The following TTC3 variants were observed in gnomAD, a reference collection of about 807,000 sequenced individuals.
The protein encoded by TTC3 is tetratricopeptide repeat domain 3, also known as E3 ubiquitin-protein ligase TTC3.
Under a neutral mutation model 249.6 loss-of-function variants are expected in TTC3, and 180 were observed. That is an observed-to-expected ratio of 0.72 (90% CI 0.64 to 0.82). The LOEUF is 0.82. TTC3 is among the 40% of genes least tolerant of loss of function. The pLI is 0.00. For missense variants in TTC3, 2,061 were observed against 2,398.4 expected (o/e 0.86, Z 2.94); for synonymous variants, 717 against 805.0 (o/e 0.89, Z 1.85).
At chr21:37,170,366 A>T (rs1355542591) in intron 34 of TTC3, among the ~76,000 whole-genome samples, 2 of 152,244 alleles carry the variant, frequency 1.3e-5, no homozygotes, top group Non-Finnish European at 2.9e-5. Flanking sequence ...ATTTTTAAAC[A>T]TATAAACAGA....
intron 16 of TTC3, among the ~76,000 whole-genome samples, chr21:37,129,474 C>T (rs529822307): frequency 3.9e-5 from 6 of 152,298 alleles, no homozygotes; most frequent in African/African-American, 1.4e-4. Flanking sequence ...TATTGGGAAA[C>T]TTACTCTGCA....
intron 20 of TTC3, 49 bp from the exon 21 acceptor site, chr21:37,144,476 A>C: frequency 1.3e-6 from 2 of 1,582,698 alleles, no homozygotes; most frequent in Non-Finnish European, 1.7e-6. Context: ...GAAGGGAGTG[A>C]AAATACCATT....
At chr21:37,158,776 A>G (rs774408812) in intron 28 of TTC3, among the ~76,000 whole-genome samples, 1 of 152,098 alleles carries the variant, frequency 6.6e-6, no homozygotes, top group Non-Finnish European at 1.5e-5. Flanking sequence ...ATTAGTCTCA[A>G]TTCTTTCTTT....
chr21:37,182,930 AG>A lies in TTC3; in HGVS notation c.4757+19del. On this transcript the variant is annotated intron_variant, in intron 36 of 45. Coordinates refer to ENST00000355666, the Ensembl canonical transcript of TTC3. ...CAGTGAAATGTAAGTAATGATTGAA[AG>A]GCAGTAATTTTTATTTAAAAAAAAA... 3 of 1,525,040 alleles carry A rather than the reference AG, an allele frequency of 2.0e-6. No homozygotes were observed. The highest frequency in any genetic ancestry group is 2.6e-6 in the Non-Finnish European group (3 of 1,140,080). 94.5% of individuals were successfully genotyped at this position (1,525,040 alleles called of 1,614,324 possible). A position where few individuals can be genotyped will look rare whatever the true frequency, so the allele number is the denominator to read the frequency against.
intron 16 of TTC3, 21 bp from the exon 17 acceptor site, chr21:37,132,661 A>G: frequency 1.3e-6 from 2 of 1,573,648 alleles, no homozygotes; most frequent in Non-Finnish European, 1.7e-6. Flanking sequence ...ATGATTTTTA[A>G]AAATGCTTTT....
intron 35 of TTC3, among the ~76,000 whole-genome samples, chr21:37,174,369 A>G (rs149851776): frequency 1.3e-5 from 2 of 152,198 alleles, no homozygotes; most frequent in Non-Finnish European, 2.9e-5. Flanking sequence ...ATGTATACCT[A>G]TTCCCTACCA....
intron 11 of TTC3, among the ~76,000 whole-genome samples, chr21:37,110,512 GAATA>G: frequency 6.6e-6 from 1 of 152,244 alleles, no homozygotes; most frequent in Non-Finnish European, 1.5e-5. Flanking sequence ...TAGAGAAAAA[GAATA>G]AAAAGAAACA....
At chr21:37,090,745 A>C (rs1441340388) in intron 6 of TTC3, among the ~76,000 whole-genome samples, 4 of 152,224 alleles carry the variant, frequency 2.6e-5, no homozygotes, top group Non-Finnish European at 4.4e-5. Context: ...AAGTACAAAT[A>C]ACATTTCTGT....
chr21:37,198,811 G>A (rs2085195272), intron 44 of TTC3, among the ~76,000 whole-genome samples: 1 of 151,488 alleles, frequency 6.6e-6, no homozygotes, highest in Admixed American at 6.6e-5. Context: ...GTCACACTTT[G>A]TATGTTCTCT....
chr21:37,140,519 C>A, intron 19 of TTC3, 42 bp from the exon 20 acceptor site: 1 of 1,278,032 alleles, frequency 7.8e-7, no homozygotes, highest in South Asian at 1.7e-5. Flanking sequence ...TTCAGTATTT[C>A]TCTTTGTATG....
chr21:37,142,712 C>T (rs1045862814), intron 20 of TTC3, among the ~76,000 whole-genome samples: 4 of 152,166 alleles, frequency 2.6e-5, no homozygotes, highest in Admixed American at 6.5e-5. Flanking sequence ...ATCAAGCTAC[C>T]AATGACTTTC....
In TTC3 at chr21:37,121,440, T is replaced by G. The variant is rs145061746; in HGVS notation, c.901-377T>G. On this transcript the variant is annotated intron_variant, in intron 11 of 45. Transcript: ENST00000355666. ...AAGGCGATGACTTAGAGATTGTTACTGCCTTCAAATATTTTTAAAACATAA... is the reference window on the plus strand; with the variant it reads ...AAGGCGATGACTTAGAGATTGTTACGGCCTTCAAATATTTTTAAAACATAA... 1,153 of 159,098 alleles carry G rather than the reference T, an allele frequency of 7.2e-3. 15 individuals carry two copies. Among genetic ancestry groups the G allele is most frequent in the African/African-American group, 0.027 (1,105 of 41,662 alleles). The allele number at this position is 159,098 out of a possible 1,614,324, so 9.9% of individuals were successfully genotyped here.
At chr21:37,144,476 A>G (rs1302147456) in intron 20 of TTC3, 49 bp from the exon 21 acceptor site, 2 of 1,582,698 alleles carry the variant, frequency 1.3e-6, no homozygotes, top group Non-Finnish European at 1.7e-6. Flanking sequence ...GAAGGGAGTG[A>G]AAATACCATT....
chr21:37,108,541 A>G (rs1374649441), intron 11 of TTC3, 95 bp downstream of exon 11: 16 of 1,223,554 alleles, frequency 1.3e-5, no homozygotes, highest in Middle Eastern at 4.1e-4. Context: ...AAAATGCTAT[A>G]TGAAATTACG....
chr21:37,171,093 C>T (rs1006125717), intron 34 of TTC3, among the ~76,000 whole-genome samples: 5 of 152,056 alleles, frequency 3.3e-5, no homozygotes, highest in Non-Finnish European at 7.4e-5. Flanking sequence ...TGTTGTTGAA[C>T]ATTTAGATTG....
chr21:37,110,630 T>C (rs891805657), intron 11 of TTC3, among the ~76,000 whole-genome samples: 4 of 152,198 alleles, frequency 2.6e-5, no homozygotes, highest in African/African-American at 9.7e-5. Flanking sequence ...TGGAAATATC[T>C]GTAGGATATT....
intron 8 of TTC3, 60 bp from the exon 9 acceptor site, chr21:37,095,290 T>C (rs2073817993): frequency 9.2e-7 from 1 of 1,083,620 alleles, no homozygotes; most frequent in Admixed American, 2.1e-5. Flanking sequence ...TTACTAGGTA[T>C]TGGGTTCTTG....
chr21:37,157,198 A>G (rs2080187362), intron 28 of TTC3: 2 of 1,347,340 alleles, frequency 1.5e-6, no homozygotes, highest in South Asian at 1.2e-5. Flanking sequence ...TGCATGTTAC[A>G]CTGACAGAAT....
chr21:37,076,418 T>A (rs1012271736), intron 1 of TTC3, among the ~76,000 whole-genome samples: 2 of 152,212 alleles, frequency 1.3e-5, no homozygotes, highest in East Asian at 3.8e-4. Context: ...TTTTTCTAAT[T>A]TTCACACTGG....
Sources: gnomAD v4.1 joint callset for allele counts (sites outside exome capture counted in the v4.1 genomes callset) on GRCh38, gnomAD v4.1.1 for gene constraint, MANE v1.5 for transcripts, NCBI Gene and HGNC (gene_info 2026-07-23, HGNC 2026-07-21) for gene names.